MITD1: variants seen among roughly 807,000 people sequenced by gnomAD.
MITD1 encodes MIT domain-containing protein 1.
In MITD1, 24 loss-of-function variants were observed where a neutral mutation model predicts 34.9. The observed-to-expected ratio is 0.69, with a 90% CI of 0.50 to 0.97. MITD1 has a LOEUF of 0.97. MITD1 is among the 50% of genes least tolerant of loss of function. MITD1 has a pLI of 0.00. For missense variants in MITD1, 266 were observed against 294.6 expected (o/e 0.90, Z 0.71); for synonymous variants, 102 against 101.4 (o/e 1.01, Z -0.04).
At position 99,180,984 on chromosome 2, in the gene MITD1, T is replaced by C; in HGVS notation, c.-3A>G. 6.2e-7 allele frequency: 1 copy of C among 1,612,584 alleles called. No homozygotes were observed. Among genetic ancestry groups the C allele is most frequent in the Non-Finnish European group, 8.5e-7 (1 of 1,179,166 alleles). ...TGCCTCAGCCCGGACTTCGCCATAA[T>C]TCTGGAAGTTCTCCTCCGCCTCAAC... is the stretch of plus-strand genomic sequence containing the variant. On this transcript the variant is annotated 5_prime_UTR_variant, in exon 1 of 7. Coordinates refer to ENST00000289359, the MANE Select transcript of MITD1 (RefSeq NM_138798.3).
chr2:99,161,828 TA>T, downstream of MITD1: 1 of 734,968 alleles, frequency 1.4e-6, no homozygotes, highest in Non-Finnish European at 2.2e-6. Flanking sequence ...ATTGTAAAGC[TA>T]AAAGCCAAAA....
At chr2:99,177,021 ATGTATT>A (rs1291508614) in intron 1 of MITD1, among the ~76,000 whole-genome samples, 4 of 152,156 alleles carry the variant, frequency 2.6e-5, no homozygotes, top group Non-Finnish European at 5.9e-5. Flanking sequence ...ATACATCTAT[ATGTATT>A]TGTTTCTGTC....
At position 99,170,533 on chromosome 2, in the gene MITD1, TA is replaced by T; in HGVS notation, c.593+3del. On this transcript the variant is annotated splice_donor_region_variant and intron_variant, in intron 5 of 6. Transcript: ENST00000289359. ...TAAAAATTAAAACATTATTGTAGAC[TA>T]ACCTAATTTCTCGGTCATGTATTGA... The T allele has an allele frequency of 7.2e-7, 1 of 1,381,934 alleles. No homozygotes were observed. The highest frequency in any genetic ancestry group is 1.0e-6 in the Non-Finnish European group (1 of 984,368). 85.6% of individuals were successfully genotyped at this position (1,381,934 alleles called of 1,614,324 possible).
Position 99,174,650 on chromosome 2 carries a change from G to C in MITD1, c.152-634C>G, listed in dbSNP as rs1307068584. Among the ~76,000 whole-genome samples, 5 of 152,156 alleles carry C rather than the reference G, an allele frequency of 3.3e-5. No homozygotes were observed. The East Asian group carries it at 7.7e-4, about 23-fold the overall frequency. ...CTGTCGCCCAGGCTGGAGTGCAGTG[G>C]CATGATCTCGGCTCTCTGCAACCTC... On this transcript the variant is annotated intron_variant, in intron 1 of 6. Transcript: ENST00000289359.
At chr2:99,164,602 C>T (rs2093818202), downstream of MITD1, among the ~76,000 whole-genome samples, 1 of 152,118 alleles carries the variant, frequency 6.6e-6, no homozygotes, top group Non-Finnish European at 1.5e-5. Context: ...TTGATTATCT[C>T]AGACTGGGGG....
downstream of MITD1, among the ~76,000 whole-genome samples, chr2:99,164,284 G>A (rs1470161558): frequency 2.0e-5 from 3 of 152,010 alleles, no homozygotes; most frequent in Admixed American, 1.3e-4. Flanking sequence ...CTTCAGAAAT[G>A]AGTCCCTCCA....
downstream of MITD1, among the ~76,000 whole-genome samples, chr2:99,165,940 G>A (rs565427903): frequency 1.3e-5 from 2 of 152,308 alleles, no homozygotes; most frequent in South Asian, 4.1e-4. Flanking sequence ...CCAAGCCAGT[G>A]ATATCAGTGG....
chr2:99,162,371 T>C (rs1307931050), intron 7 of MITD1: 1 of 1,614,036 alleles, frequency 6.2e-7, no homozygotes, highest in South Asian at 1.1e-5. Context: ...GAGCTCTGAA[T>C]GCTGTCCAAC....
Position 99,169,602 on chromosome 2 carries a change from T to C in MITD1, c.602A>G (p.Asn201Ser). 1.9e-6 allele frequency: 3 copies of C among 1,604,182 alleles called. No individual in the cohort carries two copies. The highest frequency in any genetic ancestry group is 2.6e-6 in the Non-Finnish European group (3 of 1,171,128). Residue 201 changes from asparagine to serine, a missense_variant, in exon 6 of 7, where the codon AAT (asparagine) becomes AGT (serine). Transcript: ENST00000289359. Reference sequence around the variant, plus strand: ...CCTTCCAATCTTAATCATCCATCCATTGTTGAACCTGTTGAAATTAGTATA... The same window carrying C: ...CCTTCCAATCTTAATCATCCATCCACTGTTGAACCTGTTGAAATTAGTATA... ...SIHDREIRFN[N>S]GWMIKIGRGL...
chr2:99,180,507 T>C (rs2093911804), intron 1 of MITD1, among the ~76,000 whole-genome samples: 1 of 152,216 alleles, frequency 6.6e-6, no homozygotes, highest in South Asian at 2.1e-4. Flanking sequence ...TATTCAAACT[T>C]TTCTAATAGA....
At chr2:99,162,009 C>T in exon 8 of MITD1, 1 of 1,613,184 alleles carries the variant, frequency 6.2e-7, no homozygotes, top group Non-Finnish European at 8.5e-7. Flanking sequence ...TTGTAACTGC[C>T]AGGTCCCAGC....
chr2:99,161,645 C>A, downstream of MITD1: 1 of 197,574 alleles, frequency 5.1e-6, no homozygotes, highest in Non-Finnish European at 1.0e-5. Context: ...TGAGACCAGC[C>A]TGGGCAACAT....
chr2:99,162,998 A>G, intron 7 of MITD1: 2 of 1,612,930 alleles, frequency 1.2e-6, no homozygotes, highest in African/African-American at 1.3e-5. Flanking sequence ...TAACAAATAT[A>G]TTACTTAGAA....
intron 1 of MITD1, 90 bp from the exon 2 acceptor site, chr2:99,174,106 A>G: frequency 1.4e-6 from 1 of 722,206 alleles, no homozygotes; most frequent in Non-Finnish European, 2.2e-6. Flanking sequence ...GTTTTCTACA[A>G]ATTTCCTATC....
At chr2:99,163,144 A>G in intron 7 of MITD1, 6 of 980,768 alleles carry the variant, frequency 6.1e-6, no homozygotes, top group Non-Finnish European at 8.5e-6. Context: ...TGCACATTGT[A>G]TGTCAAAAAA....
downstream of MITD1, among the ~76,000 whole-genome samples, chr2:99,166,858 A>AATATATATATATATATATATATAT (rs10584187): frequency 2.6e-5 from 3 of 115,398 alleles, no homozygotes; most frequent in Admixed American, 8.5e-5. Context: ...TGGGGTTTTA[A>AATATATATATATATATATATATAT]ATATATATAT....
downstream of MITD1, among the ~76,000 whole-genome samples, chr2:99,164,876 G>GGGT (rs58825857): frequency 0.51 from 76,777 of 151,384 alleles, 21,355 homozygotes; most frequent in Middle Eastern, 0.7. Context: ...ATCAGGCAAA[G>GGGT]GGTGTTAAGG....
intron 7 of MITD1, chr2:99,162,470 G>A (rs751485213): frequency 1.9e-6 from 3 of 1,614,058 alleles, no homozygotes. Context: ...AGATCGGCCG[G>A]ACTACTGCCT....
chr2:99,179,318 C>T (rs1169605549), intron 1 of MITD1, among the ~76,000 whole-genome samples: 2 of 152,166 alleles, frequency 1.3e-5, no homozygotes, highest in African/African-American at 2.4e-5. Context: ...GCCTTGGGCT[C>T]CGACTGTGAC....
Sources: gnomAD v4.1 joint callset for allele counts (sites outside exome capture counted in the v4.1 genomes callset) on GRCh38, gnomAD v4.1.1 for gene constraint, MANE v1.5 for transcripts, NCBI Gene and HGNC (gene_info 2026-07-23, HGNC 2026-07-21) for gene names.